RHD: variants seen among roughly 807,000 people sequenced by gnomAD.
The protein encoded by RHD is blood group Rh(D) polypeptide.
In RHD, 16 loss-of-function variants were observed where a neutral mutation model predicts 45.5. The ratio of observed to expected loss-of-function variants is 0.35; its 90% CI spans 0.24 to 0.53. The LOEUF (loss-of-function observed/expected upper bound fraction) is 0.53. RHD is among the 20% of genes least tolerant of loss of function. The probability of loss-of-function intolerance (pLI) is 0.92; values close to 1 mark genes in which losing one functional copy is unlikely to be tolerated. For missense variants in RHD, 306 were observed against 532.0 expected (o/e 0.58, Z 4.18); for synonymous variants, 131 against 217.5 (o/e 0.60, Z 3.50).
intron 3 of RHD, among the ~76,000 whole-genome samples, chr1:25,295,083 A>AGATG (rs1642828100): frequency 6.8e-6 from 1 of 147,068 alleles, no homozygotes; most frequent in Non-Finnish European, 1.5e-5. Context: ...GGGAGACCAG[A>AGATG]GATGGGGCTG....
chr1:25,329,035 C>T lies in RHD; in HGVS notation c.*111C>T, dbSNP rs1290538735. 19 of 1,377,040 alleles carry T rather than the reference C, an allele frequency of 1.4e-5. 6 individuals carry two copies. The highest frequency in any genetic ancestry group is 5.9e-5 in the South Asian group (5 of 84,812). 85.3% of individuals were successfully genotyped at this position (1,377,040 alleles called of 1,614,324 possible). On this transcript the variant is annotated 3_prime_UTR_variant, in exon 10 of 10. Coordinates refer to ENST00000328664, the MANE Select transcript of RHD (RefSeq NM_016124.6). ...TCATGACAGCAAAGTCTCCAATGTT[C>T]GCGCAGGCACTGGAGTCAGAGAAAA...
chr1:25,290,198 G>A lies in RHD; in HGVS notation c.336-443G>A, dbSNP rs536946563. ...AGAGAAGGGACAGTGGCCCCAGATG[G>A]GGATGGGGTGACTGGATGTGGGCAG... On this transcript the variant is annotated intron_variant, in intron 2 of 9. Transcript: ENST00000328664. Among the ~76,000 whole-genome samples, 523 of 128,184 alleles carry A rather than the reference G, an allele frequency of 4.1e-3. 16 individuals are homozygous for A. Among genetic ancestry groups the A allele is most frequent in the African/African-American group, 0.012 (424 of 35,638 alleles). The allele number at this position is 128,184 out of a possible 152,430, so 84.1% of individuals were successfully genotyped here.
chr1:25,278,482 T>C lies in RHD; in HGVS notation c.148+5787T>C, dbSNP rs564206688. Among the ~76,000 whole-genome samples, 817 of 131,966 alleles carry C rather than the reference T, an allele frequency of 6.2e-3. 108 individuals are homozygous for C. Among genetic ancestry groups the C allele is most frequent in the African/African-American group, 0.02 (770 of 38,752 alleles). The allele number at this position is 131,966 out of a possible 152,430, so 86.6% of individuals were successfully genotyped here. The stretch of plus-strand genomic sequence containing the variant: ...GTGCAACAACTGGGCTGGGTTCAGC[T>C]GGGCAGTTCTTCTGTTAGTTTCACC... On this transcript the variant is annotated intron_variant, in intron 1 of 9. Coordinates refer to ENST00000328664, the MANE Select transcript of RHD (RefSeq NM_016124.6).
In RHD at chr1:25,280,352, C is replaced by T; in HGVS notation, c.149-4221C>T. On this transcript the variant is annotated intron_variant, in intron 1 of 9. Coordinates refer to ENST00000328664, the MANE Select transcript of RHD (RefSeq NM_016124.6). Reference sequence around the variant, plus strand: ...CTGCAGTCTCACTCTGTCATCCAGGCTGGAGTACAGTGGTGCGATCTCGGC... The same window carrying T: ...CTGCAGTCTCACTCTGTCATCCAGGTTGGAGTACAGTGGTGCGATCTCGGC... Among the ~76,000 whole-genome samples, 2 of 123,728 alleles carry T rather than the reference C, an allele frequency of 1.6e-5. 1 individual carries two copies. The highest frequency in any genetic ancestry group is 3.8e-5 in the Non-Finnish European group (2 of 52,766). 81.2% of individuals were successfully genotyped at this position (123,728 alleles called of 152,430 possible). A position where few individuals can be genotyped will look rare whatever the true frequency, so the allele number is the denominator to read the frequency against.
At position 25,272,825 on chromosome 1, in the gene RHD, T is replaced by C. The variant is rs1226851141; in HGVS notation, c.148+130T>C. ...CAAGGAAAAAGATTCCCCCATCTTC[T>C]TCCGTAGATTGCACCGAAATTCAGC... On this transcript the variant is annotated intron_variant, in intron 1 of 9. Transcript: ENST00000328664. 2 of 1,149,334 alleles carry C rather than the reference T, an allele frequency of 1.7e-6. 1 individual carries two copies. Among genetic ancestry groups the C allele is most frequent in the Non-Finnish European group, 2.5e-6 (2 of 794,022 alleles). The allele number at this position is 1,149,334 out of a possible 1,614,324, so 71.2% of individuals were successfully genotyped here. A position where few individuals can be genotyped will look rare whatever the true frequency, so the allele number is the denominator to read the frequency against.
At chr1:25,282,654 A>G (rs3866916) in intron 1 of RHD, among the ~76,000 whole-genome samples, 27,697 of 131,286 alleles carry the variant, frequency 0.21, 7,746 homozygotes, top group Admixed American at 0.29. Flanking sequence ...GCTGGGCACG[A>G]TGGCTCATGC....
Position 25,316,247 on chromosome 1 carries a change from A to G in RHD, c.1074-753A>G, listed in dbSNP as rs1300035176. ...CAAGGGGTAGGGATGGGCAGGGGAGATGGGTCTGAAAGCCAAGCTCTACCC... is the reference window on the plus strand; with the variant it reads ...CAAGGGGTAGGGATGGGCAGGGGAGGTGGGTCTGAAAGCCAAGCTCTACCC... On this transcript the variant is annotated intron_variant, in intron 7 of 9. Transcript: ENST00000328664. Among the ~76,000 whole-genome samples, 2 of 129,464 alleles carry G rather than the reference A, an allele frequency of 1.5e-5. 1 individual carries two copies. Among genetic ancestry groups the G allele is most frequent in the African/African-American group, 5.3e-5 (2 of 37,622 alleles). The allele number at this position is 129,464 out of a possible 152,430, so 84.9% of individuals were successfully genotyped here.
chr1:25,301,039 G>A lies in RHD; in HGVS notation c.580G>A (p.Gly194Arg), dbSNP rs2124674106. The A allele has an allele frequency of 7.3e-7, 1 of 1,377,902 alleles. No individual in the cohort carries two copies. The allele number at this position is 1,377,902 out of a possible 1,614,324, so 85.4% of individuals were successfully genotyped here. The change falls in exon 4 of 10, where the codon GGA becomes AGA. Residue 194 changes from glycine (G) to arginine (R), a missense_variant. Transcript: ENST00000328664. ...AWCLPKPLPE[G>R]TEDKDQTATI... Reference sequence around the variant, plus strand: ...GTGCCTGCCAAAGCCTCTACCCGAGGGAACGGAGGATAAAGATCAGACAGC... The same window carrying A: ...GTGCCTGCCAAAGCCTCTACCCGAGAGAACGGAGGATAAAGATCAGACAGC...
intron 7 of RHD, among the ~76,000 whole-genome samples, chr1:25,313,255 CAAG>C (rs1191254913): frequency 7.6e-6 from 1 of 131,582 alleles, no homozygotes; most frequent in Non-Finnish European, 1.8e-5. Flanking sequence ...GCAGGCACAG[CAAG>C]AAGGTCCTCA....
Position 25,288,220 on chromosome 1 carries a change from G to A in RHD, c.336-2421G>A, listed in dbSNP as rs1208407802. Among the ~76,000 whole-genome samples the A allele has an allele frequency of 3.3e-4, 43 of 130,942 alleles. 5 individuals carry two copies. Among genetic ancestry groups the A allele is most frequent in the African/African-American group, 1.1e-3 (42 of 38,406 alleles). The allele number at this position is 130,942 out of a possible 152,430, so 85.9% of individuals were successfully genotyped here. On this transcript the variant is annotated intron_variant, in intron 2 of 9. Transcript: ENST00000328664. ...TTCTGCAGAGACAGGACCTCACTGT[G>A]TTGCTCAGGCTGGTCTCAAACTCCT...
At position 25,313,600 on chromosome 1, in the gene RHD, G is replaced by T. The variant is rs1444902299; in HGVS notation, c.1074-3400G>T. Among the ~76,000 whole-genome samples, 2 of 131,926 alleles carry T rather than the reference G, an allele frequency of 1.5e-5. 1 individual carries two copies. 86.5% of individuals were successfully genotyped at this position (131,926 alleles called of 152,430 possible). A position where few individuals can be genotyped will look rare whatever the true frequency, so the allele number is the denominator to read the frequency against. On this transcript the variant is annotated intron_variant, in intron 7 of 9. Coordinates refer to ENST00000328664, the MANE Select transcript of RHD (RefSeq NM_016124.6). ...TGGAAGGAAAGTTTTGTTGTTCACA[G>T]TTCCCCTGTAAACAAGAGGCAGAAC...
Position 25,329,550 on chromosome 1 carries a change from C to CT in RHD, c.*632dup, listed in dbSNP as rs35558497. On this transcript the variant is annotated 3_prime_UTR_variant, in exon 10 of 10. Coordinates refer to ENST00000328664, the MANE Select transcript of RHD (RefSeq NM_016124.6). ...GAGCCACTGTGCCCAGCCTTGTTTGCTTTTTTAACAGATAACAGTGTGCTC... is the reference window on the plus strand; with the variant it reads ...GAGCCACTGTGCCCAGCCTTGTTTGCTTTTTTTAACAGATAACAGTGTGCTC... The CT allele has an allele frequency of 5.9e-6, 1 of 170,348 alleles. No homozygotes were observed. The highest frequency in any genetic ancestry group is 6.1e-5 in the Admixed American group (1 of 16,522). The allele number at this position is 170,348 out of a possible 1,614,324, so 10.6% of individuals were successfully genotyped here.
At position 25,281,550 on chromosome 1, in the gene RHD, C is replaced by T. The variant is rs1357673367; in HGVS notation, c.149-3023C>T. On this transcript the variant is annotated intron_variant, in intron 1 of 9. Transcript: ENST00000328664. ...CCAACTGAACACAAGCCTCACTGCT[C>T]CCGCATGTGCACTGCACCTTCATAT... Among the ~76,000 whole-genome samples the T allele has an allele frequency of 3.8e-5, 5 of 131,930 alleles. 1 individual carries two copies. The highest frequency in any genetic ancestry group is 3.6e-5 in the Non-Finnish European group (2 of 55,768). 86.6% of individuals were successfully genotyped at this position (131,930 alleles called of 152,430 possible).
chr1:25,305,279 A>G (rs529921441), intron 6 of RHD, among the ~76,000 whole-genome samples: 5 of 132,632 alleles, frequency 3.8e-5, no homozygotes, highest in Admixed American at 2.2e-4. Context: ...CAGACATTCT[A>G]AAGGCATAGG....
At chr1:25,287,410 C>T (rs1006301922) in intron 2 of RHD, among the ~76,000 whole-genome samples, 6 of 135,410 alleles carry the variant, frequency 4.4e-5, no homozygotes, top group Admixed American at 7.1e-5. Flanking sequence ...TCCCCTGCCC[C>T]ACCCCTGACT....
chr1:25,306,864 T>C (rs553993653), intron 7 of RHD, 135 bp downstream of exon 7: 1 of 911,548 alleles, frequency 1.1e-6, no homozygotes, highest in African/African-American at 1.6e-5. Flanking sequence ...ATTTGTTGGC[T>C]GATTTATTCA....
rs1404690600 is a variant in RHD at position 25,283,954 on chromosome 1, T to C, written c.149-619T>C. Among the ~76,000 whole-genome samples, 3 of 134,620 alleles carry C rather than the reference T, an allele frequency of 2.2e-5. 1 individual carries two copies. The highest frequency in any genetic ancestry group is 7.1e-5 in the Admixed American group (1 of 14,038). 88.3% of individuals were successfully genotyped at this position (134,620 alleles called of 152,430 possible). On this transcript the variant is annotated intron_variant, in intron 1 of 9. Coordinates refer to ENST00000328664, the MANE Select transcript of RHD (RefSeq NM_016124.6). ...GCCACAGCAGCCTCTGCTCAGGGTC[T>C]GAGACCGGGAAAGGTGAGGGCTACC... is the stretch of plus-strand genomic sequence containing the variant.
chr1:25,328,950 C>T lies in RHD; in HGVS notation c.*26C>T, dbSNP rs1271350060. ...GCAAAAGCATCCAAGAAAAACAAGG[C>T]CTGTTCAAAAACAAGACAACTTCCT... On this transcript the variant is annotated 3_prime_UTR_variant, in exon 10 of 10. Transcript: ENST00000328664. The T allele has an allele frequency of 7.6e-7, 1 of 1,317,984 alleles. No individual in the cohort carries two copies. Among genetic ancestry groups the T allele is most frequent in the Admixed American group, 1.9e-5 (1 of 52,532 alleles). The allele number at this position is 1,317,984 out of a possible 1,614,324, so 81.6% of individuals were successfully genotyped here.
chr1:25,287,577 A>C (rs1313798320), intron 2 of RHD, among the ~76,000 whole-genome samples: 3 of 134,614 alleles, frequency 2.2e-5, no homozygotes, highest in Non-Finnish European at 3.5e-5. Flanking sequence ...CTTGGGACTG[A>C]TTTGGTTCTG....
Sources: allele counts gnomAD v4.1 joint callset (sites outside exome capture counted in the v4.1 genomes callset), GRCh38; gene constraint gnomAD v4.1.1; transcripts MANE v1.5; gene names NCBI Gene and HGNC (gene_info 2026-07-23, HGNC 2026-07-21).